DLG2: variants seen among roughly 807,000 people sequenced by gnomAD.
The protein encoded by DLG2 is disks large homolog 2.
A neutral mutation model predicts 132.5 loss-of-function variants in DLG2; 45 were observed. The observed-to-expected ratio is 0.34, with a 90% CI of 0.27 to 0.44. The LOEUF (loss-of-function observed/expected upper bound fraction) is 0.44. DLG2 is among the 20% of genes least tolerant of loss of function. The pLI is 1.00. For missense variants in DLG2, 1,045 were observed against 1,196.9 expected (o/e 0.87, Z 1.87); for synonymous variants, 424 against 419.6 (o/e 1.01, Z -0.13).
At chr11:85,518,961 C>A (rs921405446) in intron 3 of DLG2, among the ~76,000 whole-genome samples, 9 of 152,076 alleles carry the variant, frequency 5.9e-5, no homozygotes, top group Admixed American at 2.0e-4. Context: ...TGTGGGTGCA[C>A]AGAAGTCAAG....
In DLG2 at chr11:83,954,490, G is replaced by C. The variant is rs11233853; in HGVS notation, c.1340+8395C>G. On this transcript the variant is annotated intron_variant, in intron 14 of 27. Transcript: ENST00000376104. ...CTCCCCCCTTTCATTTCTACACTTTGCTTCAAAACATACATTATAGTACCA... is the reference window on the plus strand; with the variant it reads ...CTCCCCCCTTTCATTTCTACACTTTCCTTCAAAACATACATTATAGTACCA... Among the ~76,000 whole-genome samples the C allele has an allele frequency of 6.0e-3, 914 of 152,096 alleles. 5 individuals are homozygous for C. The highest frequency in any genetic ancestry group is 0.017 in the Middle Eastern group (5 of 292).
chr11:84,360,156 T>A (rs953020039), intron 7 of DLG2, among the ~76,000 whole-genome samples: 3 of 151,830 alleles, frequency 2.0e-5, no homozygotes, highest in Non-Finnish European at 2.9e-5. Context: ...GGACAAATAC[T>A]AGGAAAATAT....
chr11:84,700,462 C>A (rs1041313415), intron 6 of DLG2, among the ~76,000 whole-genome samples: 16 of 151,620 alleles, frequency 1.1e-4, no homozygotes, highest in African/African-American at 3.9e-4. Context: ...TAAAATTATT[C>A]TGTGACAAAA....
In DLG2 at chr11:84,796,030, G is replaced by A. The variant is rs1182661017; in HGVS notation, c.358-261299C>T. Among the ~76,000 whole-genome samples the A allele has an allele frequency of 2.6e-5, 4 of 152,316 alleles. No homozygotes were observed. In the Middle Eastern group the frequency reaches 0.01, roughly 389 times the overall value. On this transcript the variant is annotated intron_variant, in intron 6 of 27. Transcript: ENST00000376104. Reference sequence around the variant, plus strand: ...GCTCAACCTGGCTCAAGTGCAGCCTGCCAGGCCAGATGGGCAGAACAAACC... The same window carrying A: ...GCTCAACCTGGCTCAAGTGCAGCCTACCAGGCCAGATGGGCAGAACAAACC...
intron 2 of DLG2, among the ~76,000 whole-genome samples, chr11:85,626,340 G>C (rs1199354315): frequency 6.6e-6 from 1 of 152,150 alleles, no homozygotes; most frequent in African/African-American, 2.4e-5. Context: ...CTGCGGTACT[G>C]AATCTATTCT....
intron 3 of DLG2, among the ~76,000 whole-genome samples, chr11:85,407,072 A>G (rs1411025108): frequency 6.6e-6 from 1 of 151,882 alleles, no homozygotes; most frequent in Non-Finnish European, 1.5e-5. Context: ...GCTTACAGGA[A>G]AAGCCCAATG....
At chr11:84,513,764 T>C (rs558309253) in intron 7 of DLG2, among the ~76,000 whole-genome samples, 5 of 151,614 alleles carry the variant, frequency 3.3e-5, no homozygotes, top group Middle Eastern at 6.8e-3. Context: ...ATCCAGGACA[T>C]TGGTCCAGGC....
chr11:84,721,735 GT>G (rs1399421573), intron 6 of DLG2, among the ~76,000 whole-genome samples: 7 of 152,172 alleles, frequency 4.6e-5, no homozygotes, highest in Non-Finnish European at 1.0e-4. Flanking sequence ...AAACATCCGA[GT>G]TTGGAAACAG....
chr11:85,509,391 G>T (rs893933240), intron 3 of DLG2, among the ~76,000 whole-genome samples: 16 of 151,914 alleles, frequency 1.1e-4, no homozygotes, highest in African/African-American at 3.9e-4. Context: ...CAAAAGTTGG[G>T]CATTACTTTA....
At chr11:84,554,404 T>C (rs997618846) in intron 6 of DLG2, among the ~76,000 whole-genome samples, 3 of 152,136 alleles carry the variant, frequency 2.0e-5, no homozygotes, top group African/African-American at 7.2e-5. Context: ...CAGTATTATT[T>C]CTCTTGTGGA....
At chr11:83,843,338 G>C (rs1471070009) in intron 16 of DLG2, among the ~76,000 whole-genome samples, 2 of 152,112 alleles carry the variant, frequency 1.3e-5, no homozygotes, top group Non-Finnish European at 2.9e-5. Flanking sequence ...TTAAGACTGA[G>C]GCCAGGTACA....
chr11:85,489,685 T>C lies in DLG2; in HGVS notation c.40+108972A>G, dbSNP rs1276461493. ...AGTCTCAACAAATGTTTAAAAATCATATTTTTGAAAATCAAAATCATATCA... is the reference window on the plus strand; with the variant it reads ...AGTCTCAACAAATGTTTAAAAATCACATTTTTGAAAATCAAAATCATATCA... On this transcript the variant is annotated intron_variant, in intron 3 of 27. Transcript: ENST00000376104. 3.3e-5 allele frequency among the ~76,000 whole-genome samples: 5 copies of C among 152,150 alleles called. No individual in the cohort carries two copies. In the East Asian group the frequency reaches 9.6e-4, roughly 29 times the overall value.
chr11:84,081,333 T>G (rs2096900062), intron 10 of DLG2, among the ~76,000 whole-genome samples: 1 of 152,064 alleles, frequency 6.6e-6, no homozygotes, highest in Non-Finnish European at 1.5e-5. Context: ...TGATATTGAG[T>G]GTTACAACCT....
chr11:85,036,845 C>T (rs1268836621), intron 6 of DLG2, among the ~76,000 whole-genome samples: 1 of 152,094 alleles, frequency 6.6e-6, no homozygotes, highest in African/African-American at 2.4e-5. Context: ...AAGGATGTAT[C>T]AAGGCACTTC....
At chr11:84,843,832 T>TG (rs2081020499) in intron 6 of DLG2, among the ~76,000 whole-genome samples, 1 of 151,682 alleles carries the variant, frequency 6.6e-6, no homozygotes, top group African/African-American at 2.4e-5. Context: ...GTTGAATCCA[T>TG]GGATGTGGAA....
chr11:85,374,430 A>C (rs1392198359), intron 3 of DLG2, among the ~76,000 whole-genome samples: 1 of 152,224 alleles, frequency 6.6e-6, no homozygotes, highest in Non-Finnish European at 1.5e-5. Context: ...ATTAATCACC[A>C]ATATGAGGTA....
rs536339313 is a variant in DLG2 at position 84,567,203 on chromosome 11, A to G, written c.358-32472T>C. On this transcript the variant is annotated intron_variant, in intron 6 of 27. Coordinates refer to ENST00000376104, the MANE Select transcript of DLG2 (RefSeq NM_001142699.3). ...TAGAAAGGAAGAATGGAAAAAATGC[A>G]TAAAAGGAAGGTATTGAATGTCTGG... 2.0e-5 allele frequency among the ~76,000 whole-genome samples: 3 copies of G among 152,282 alleles called. No homozygotes were observed. In the South Asian group the frequency reaches 6.2e-4, roughly 32 times the overall value.
intron 21 of DLG2, among the ~76,000 whole-genome samples, chr11:83,515,317 A>G (rs2140154364): frequency 6.6e-6 from 1 of 152,200 alleles, no homozygotes; most frequent in South Asian, 2.1e-4. Context: ...ATTTGCGTAG[A>G]GGTGTTTATA....
intron 15 of DLG2, among the ~76,000 whole-genome samples, chr11:83,882,832 C>T (rs1278346322): frequency 6.6e-6 from 1 of 152,056 alleles, no homozygotes; most frequent in East Asian, 1.9e-4. Flanking sequence ...TTAGTTCTTT[C>T]CTTATCTTTA....
Sources: gnomAD v4.1 joint callset for allele counts (sites outside exome capture counted in the v4.1 genomes callset) on GRCh38, gnomAD v4.1.1 for gene constraint, MANE v1.5 for transcripts, NCBI Gene and HGNC (gene_info 2026-07-23, HGNC 2026-07-21) for gene names.